BAZ1A: variants seen among roughly 807,000 people sequenced by gnomAD.
BAZ1A encodes the protein bromodomain adjacent to zinc finger domain protein 1A.
Under a neutral mutation model 185.2 loss-of-function variants are expected in BAZ1A, and 50 were observed. The ratio of observed to expected loss-of-function variants is 0.27; its 90% CI spans 0.22 to 0.34. The LOEUF is 0.34. Ranked by LOEUF, BAZ1A falls within the 10% of genes least tolerant of loss-of-function variation. The pLI is 1.00. For synonymous variants in BAZ1A, 571 were observed against 615.6 expected (o/e 0.93, Z 1.07); for missense variants, 1,356 against 1,839.9 (o/e 0.74, Z 4.81).
chr14:34,802,748 T>C, intron 7 of BAZ1A, 106 bp downstream of exon 7: 6 of 1,237,904 alleles, frequency 4.8e-6, no homozygotes, highest in South Asian at 3.0e-5. Flanking sequence ...AGGTAATGAG[T>C]TTCTTCCTCT....
Position 34,792,797 on chromosome 14 carries a change from T to C in BAZ1A, c.1488A>G (p.Gln496=), listed in dbSNP as rs756890417. ...GACCTTTGGTGTCAGCATCAGTTAG[T>C]TGCTCTTTGGCTACTTCCTCTTCTT... ...AEEEEEVAKE[Q]LTDADTKDLT... Residue 496 remains glutamine, a synonymous_variant, in exon 12 of 27, where the codon CAA becomes CAG. Coordinates refer to ENST00000360310, the MANE Select transcript of BAZ1A (RefSeq NM_013448.3). 6 of 1,613,936 alleles carry C rather than the reference T, an allele frequency of 3.7e-6. No individual in the cohort carries two copies. The South Asian group carries it at 5.5e-5, about 15-fold the overall frequency.
At chr14:34,785,090 A>T (rs1880350812) in intron 14 of BAZ1A, among the ~76,000 whole-genome samples, 1 of 152,050 alleles carries the variant, frequency 6.6e-6, no homozygotes, top group Non-Finnish European at 1.5e-5. Context: ...TCCTGACCTC[A>T]GGTGATCTGC....
chr14:34,789,631 C>T (rs981743221), intron 12 of BAZ1A, among the ~76,000 whole-genome samples: 32 of 152,092 alleles, frequency 2.1e-4, no homozygotes, highest in African/African-American at 7.7e-4. Flanking sequence ...CTCTTGTTCC[C>T]ATACTTTGAA....
At chr14:34,831,773 A>T (rs2042245100) in intron 3 of BAZ1A, among the ~76,000 whole-genome samples, 1 of 152,204 alleles carries the variant, frequency 6.6e-6, no homozygotes, top group East Asian at 1.9e-4. Context: ...ATTAAATTTA[A>T]GCATCCTAGT....
chr14:34,828,638 T>A (rs531542119), intron 3 of BAZ1A: 2 of 152,248 alleles, frequency 1.3e-5, no homozygotes, highest in Non-Finnish European at 2.9e-5. Flanking sequence ...CATATTCTGA[T>A]GTCAGAAGGG....
intron 3 of BAZ1A, among the ~76,000 whole-genome samples, chr14:34,828,066 G>T (rs1183600207): frequency 1.3e-5 from 2 of 151,854 alleles, no homozygotes; most frequent in Non-Finnish European, 2.9e-5. Context: ...ACACCGAGGC[G>T]GGCGGATCAC....
rs1329885527 is a variant in BAZ1A, at chr14:34,752,922, A to G, written c.*586T>C. 1.3e-5 allele frequency: 2 copies of G among 152,574 alleles called. No individual in the cohort carries two copies. The highest frequency in any genetic ancestry group is 6.5e-5 in the Admixed American group (1 of 15,270). 9.5% of individuals were successfully genotyped at this position (152,574 alleles called of 1,614,324 possible). A position where few individuals can be genotyped will look rare whatever the true frequency, so the allele number is the denominator to read the frequency against. ...AAACATTAAGGAACATTTTTCAGGT[A>G]TAAATTTTATAAATACAAAACAAAT... On this transcript the variant is annotated 3_prime_UTR_variant, in exon 27 of 27. Transcript: ENST00000360310.
chr14:34,793,975 GA>G (rs1371958038), intron 11 of BAZ1A, among the ~76,000 whole-genome samples: 1 of 150,412 alleles, frequency 6.6e-6, no homozygotes, highest in African/African-American at 2.4e-5. Flanking sequence ...AAAAAAAAAA[GA>G]AAAAAATTAG....
chr14:34,866,155 T>C (rs1365617967), intron 2 of BAZ1A, among the ~76,000 whole-genome samples: 2 of 152,178 alleles, frequency 1.3e-5, no homozygotes, highest in East Asian at 3.9e-4. Context: ...ACCACTGCAC[T>C]CCAGCCTGAG....
At chr14:34,775,592 T>G (rs1879544780) in intron 18 of BAZ1A, among the ~76,000 whole-genome samples, 1 of 152,212 alleles carries the variant, frequency 6.6e-6, no homozygotes, top group Non-Finnish European at 1.5e-5. Flanking sequence ...CACCATAATC[T>G]GTCCAAAACT....
chr14:34,846,782 T>C (rs1328349835), intron 3 of BAZ1A, among the ~76,000 whole-genome samples: 1 of 152,080 alleles, frequency 6.6e-6, no homozygotes, highest in African/African-American at 2.4e-5. Context: ...AACCTAACGA[T>C]ATGTACCTAA....
chr14:34,800,882 TA>T (rs1881493555), intron 8 of BAZ1A, among the ~76,000 whole-genome samples: 1 of 152,174 alleles, frequency 6.6e-6, no homozygotes. Flanking sequence ...TAATAGGGAA[TA>T]TGCAAGACCA....
At chr14:34,778,199 T>C (rs1028230312) in intron 17 of BAZ1A, among the ~76,000 whole-genome samples, 2 of 152,240 alleles carry the variant, frequency 1.3e-5, no homozygotes, top group African/African-American at 4.8e-5. Flanking sequence ...GTGTACCCTC[T>C]GGACTGTGCT....
intron 5 of BAZ1A, among the ~76,000 whole-genome samples, chr14:34,809,306 T>G (rs192451012): frequency 2.0e-5 from 3 of 152,314 alleles, no homozygotes; most frequent in Non-Finnish European, 1.5e-5. Context: ...TAATTACTTG[T>G]TGACTACTGA....
chr14:34,767,411 G>A (rs1162045744), intron 21 of BAZ1A, among the ~76,000 whole-genome samples: 4 of 152,072 alleles, frequency 2.6e-5, no homozygotes, highest in Admixed American at 6.6e-5. Flanking sequence ...CTAGCCAGCC[G>A]TGGTTGCAGG....
intron 5 of BAZ1A, among the ~76,000 whole-genome samples, chr14:34,809,085 T>C (rs548353045): frequency 1.3e-5 from 2 of 152,288 alleles, no homozygotes; most frequent in East Asian, 3.9e-4. Context: ...TTACATTGTA[T>C]TAGGTATTAT....
chr14:34,831,958 G>A (rs1165238433), intron 3 of BAZ1A, among the ~76,000 whole-genome samples: 1 of 151,936 alleles, frequency 6.6e-6, no homozygotes, highest in African/African-American at 2.4e-5. Flanking sequence ...ACTTTGGCAG[G>A]CTGAGGAAGG....
intron 18 of BAZ1A, among the ~76,000 whole-genome samples, chr14:34,775,185 G>A (rs1293150667): frequency 2.0e-5 from 3 of 151,934 alleles, no homozygotes; most frequent in African/African-American, 7.3e-5. Flanking sequence ...GGCAACAAAA[G>A]CGAAATTCTG....
chr14:34,754,138 G>C (rs935499076), intron 26 of BAZ1A, among the ~76,000 whole-genome samples: 2 of 150,530 alleles, frequency 1.3e-5, no homozygotes, highest in Admixed American at 1.3e-4. Flanking sequence ...TGTAATCCCA[G>C]CTACTCGGGA....
Sources: allele counts gnomAD v4.1 joint callset (sites outside exome capture counted in the v4.1 genomes callset), GRCh38; gene constraint gnomAD v4.1.1; transcripts MANE v1.5; gene names NCBI Gene and HGNC (gene_info 2026-07-23, HGNC 2026-07-21).